Variants in RIT2 observed in about 807,000 individuals in gnomAD.
RIT2 encodes Ras like without CAAX 2, also known as GTP-binding protein Rit2.
RIT2 carries 24 observed loss-of-function variants against 23.7 expected under a neutral mutation model. The ratio of observed to expected loss-of-function variants is 1.01; its 90% CI spans 0.73 to 1.43. The LOEUF (loss-of-function observed/expected upper bound fraction) is 1.43. Among genes scored for constraint, RIT2 ranks in the 40% most tolerant of loss-of-function variants. RIT2 has a pLI of 0.00. For synonymous variants in RIT2, 107 were observed against 91.1 expected (o/e 1.17, Z -0.99); for missense variants, 236 against 266.9 (o/e 0.88, Z 0.81).
chr18:42,875,164 C>T (rs1378262151), intron 4 of RIT2, among the ~76,000 whole-genome samples: 1 of 151,942 alleles, frequency 6.6e-6, no homozygotes, highest in Non-Finnish European at 1.5e-5. Context: ...TTTCTCATCC[C>T]ATATTTTCCT....
chr18:42,832,038 T>G (rs1005269920), intron 4 of RIT2, among the ~76,000 whole-genome samples: 1 of 152,206 alleles, frequency 6.6e-6, no homozygotes, highest in East Asian at 1.9e-4. Context: ...CTACTATTTT[T>G]ATACTTGAGT....
chr18:42,957,863 A>C (rs2144182060), intron 3 of RIT2, among the ~76,000 whole-genome samples: 1 of 152,304 alleles, frequency 6.6e-6, no homozygotes, highest in Non-Finnish European at 1.5e-5. Context: ...AACTGGTATA[A>C]ACTGGTTTGG....
At position 43,015,739 on chromosome 18, in the gene RIT2, C is replaced by T. The variant is rs540020769; in HGVS notation, c.160+18072G>A. On this transcript the variant is annotated intron_variant, in intron 2 of 4. Coordinates refer to ENST00000326695, the MANE Select transcript of RIT2 (RefSeq NM_002930.4). ...GCAGTGCCTGAAAATAAGTAATGAG[C>T]CATAAGCTGTGGGATTATGTTGAAG... is the stretch of plus-strand genomic sequence containing the variant. 2.0e-5 allele frequency among the ~76,000 whole-genome samples: 3 copies of T among 151,668 alleles called. No individual in the cohort carries two copies. The South Asian group carries it at 6.2e-4, about 31-fold the overall frequency.
chr18:42,755,662 C>G (rs914179641), intron 4 of RIT2, among the ~76,000 whole-genome samples: 1 of 152,216 alleles, frequency 6.6e-6, no homozygotes, highest in Non-Finnish European at 1.5e-5. Flanking sequence ...TTGTTCATCT[C>G]TCTACCTGAT....
chr18:42,983,420 G>A (rs1269299999), intron 2 of RIT2, among the ~76,000 whole-genome samples: 1 of 151,148 alleles, frequency 6.6e-6, no homozygotes, highest in Non-Finnish European at 1.5e-5. Context: ...AAAAAAAAAT[G>A]AGAAAATCTT....
chr18:42,967,183 T>C (rs1350414309), intron 3 of RIT2, among the ~76,000 whole-genome samples: 1 of 152,074 alleles, frequency 6.6e-6, no homozygotes, highest in East Asian at 1.9e-4. Flanking sequence ...TCTATATATA[T>C]CTATCTCCAC....
intron 4 of RIT2, among the ~76,000 whole-genome samples, chr18:42,917,247 G>C (rs1351038254): frequency 6.6e-6 from 1 of 152,018 alleles, no homozygotes; most frequent in Non-Finnish European, 1.5e-5. Context: ...TCAAACCCAG[G>C]ACTATCTGAT....
chr18:42,917,624 A>C (rs1908945937), intron 4 of RIT2, among the ~76,000 whole-genome samples: 1 of 152,184 alleles, frequency 6.6e-6, no homozygotes, highest in Admixed American at 6.6e-5. Flanking sequence ...AAATGTATTC[A>C]TACCACAATT....
At chr18:42,848,851 G>T (rs1906976076) in intron 4 of RIT2, among the ~76,000 whole-genome samples, 2 of 152,098 alleles carry the variant, frequency 1.3e-5, no homozygotes, top group Non-Finnish European at 2.9e-5. Context: ...ATGTTTTGGT[G>T]CTTGAAATTG....
At chr18:42,898,768 A>G (rs1291030155) in intron 4 of RIT2, among the ~76,000 whole-genome samples, 1 of 152,148 alleles carries the variant, frequency 6.6e-6, no homozygotes, top group African/African-American at 2.4e-5. Flanking sequence ...ACATTTGTCT[A>G]TTATGACAGA....
chr18:42,830,741 C>G (rs771237740), intron 4 of RIT2, among the ~76,000 whole-genome samples: 1 of 152,046 alleles, frequency 6.6e-6, no homozygotes, highest in Admixed American at 6.6e-5. Context: ...ACAATAGATG[C>G]TATAGGAATT....
At chr18:43,099,696 T>A (rs1359820476) in intron 1 of RIT2, among the ~76,000 whole-genome samples, 1 of 152,156 alleles carries the variant, frequency 6.6e-6, no homozygotes, top group Non-Finnish European at 1.5e-5. Flanking sequence ...TCAAGAGCCA[T>A]GTATGCTCTC....
intron 4 of RIT2, among the ~76,000 whole-genome samples, chr18:42,885,066 A>T (rs532037394): frequency 6.6e-6 from 1 of 152,360 alleles, no homozygotes; most frequent in African/African-American, 2.4e-5. Flanking sequence ...TCTTGATATT[A>T]AAATGCTTCT....
At chr18:42,748,170 A>G (rs72901457) in intron 4 of RIT2, among the ~76,000 whole-genome samples, 2 of 152,172 alleles carry the variant, frequency 1.3e-5, no homozygotes, top group Non-Finnish European at 2.9e-5. Context: ...GTGGAAGAAA[A>G]TCTCCAGAGT....
At chr18:42,972,702 A>G (rs1316431402) in intron 3 of RIT2, among the ~76,000 whole-genome samples, 1 of 151,844 alleles carries the variant, frequency 6.6e-6, no homozygotes, top group Non-Finnish European at 1.5e-5. Context: ...ACCACATTCT[A>G]AGCCACAACC....
At chr18:43,014,847 G>C (rs1325687189) in intron 2 of RIT2, among the ~76,000 whole-genome samples, 2 of 151,564 alleles carry the variant, frequency 1.3e-5, no homozygotes, top group South Asian at 2.1e-4. Context: ...TACATATATA[G>C]ATAGCAATAA....
chr18:43,020,812 C>T (rs76572521), intron 2 of RIT2, among the ~76,000 whole-genome samples: 1 of 152,004 alleles, frequency 6.6e-6, no homozygotes, highest in Non-Finnish European at 1.5e-5. Context: ...TATCCATATG[C>T]AAAAGAATGT....
At chr18:43,000,935 C>T (rs1911089516) in intron 2 of RIT2, among the ~76,000 whole-genome samples, 4 of 152,004 alleles carry the variant, frequency 2.6e-5, no homozygotes, top group Admixed American at 2.6e-4. Flanking sequence ...CAAAAGCCAG[C>T]CAAACTCTCT....
chr18:42,810,961 G>C (rs1208815855), intron 4 of RIT2, among the ~76,000 whole-genome samples: 1 of 151,898 alleles, frequency 6.6e-6, no homozygotes, highest in Non-Finnish European at 1.5e-5. Flanking sequence ...TCCAAAAAGT[G>C]GTATAATTTT....
Sources: gnomAD v4.1 joint callset for allele counts (sites outside exome capture counted in the v4.1 genomes callset) on GRCh38, gnomAD v4.1.1 for gene constraint, MANE v1.5 for transcripts, NCBI Gene and HGNC (gene_info 2026-07-23, HGNC 2026-07-21) for gene names.